MARCHF11: variants seen among roughly 807,000 people sequenced by gnomAD.
MARCHF11 encodes E3 ubiquitin-protein ligase MARCHF11.
Under a neutral mutation model 37.3 loss-of-function variants are expected in MARCHF11, and 29 were observed. The ratio of observed to expected loss-of-function variants is 0.78; its 90% CI spans 0.58 to 1.06. The LOEUF (loss-of-function observed/expected upper bound fraction) is 1.06, where lower values mean the gene tolerates loss of function less well. Ranked by LOEUF, MARCHF11 falls within the 50% of genes least tolerant of loss-of-function variation. MARCHF11 has a pLI of 0.00. For synonymous variants in MARCHF11, 233 were observed against 228.0 expected (o/e 1.02, Z -0.20); for missense variants, 482 against 533.4 (o/e 0.90, Z 0.95).
At chr5:16,091,204 A>G (rs1736787029) in intron 2 of MARCHF11, 123 bp from the exon 3 acceptor site, 1 of 682,576 alleles carries the variant, frequency 1.5e-6, no homozygotes, top group Non-Finnish European at 2.2e-6. Flanking sequence ...TGAGACCCCA[A>G]ATGAATTTTT....
intron 2 of MARCHF11, among the ~76,000 whole-genome samples, chr5:16,133,250 C>T (rs779247932): frequency 6.6e-6 from 1 of 152,122 alleles, no homozygotes; most frequent in Non-Finnish European, 1.5e-5. Flanking sequence ...TTTTTCCCAA[C>T]AGAATGTGTC....
At position 16,090,255 on chromosome 5, in the gene MARCHF11, G is replaced by A. The variant is rs16868099; in HGVS notation, c.886+634C>T. On this transcript the variant is annotated intron_variant, in intron 3 of 3. Coordinates refer to ENST00000332432, the MANE Select transcript of MARCHF11 (RefSeq NM_001102562.3). ...TGGCTTCCGTTTTCTCACAGTACTA[G>A]GGAACAACAGATGGGTCAAAGGAAA... Among the ~76,000 whole-genome samples the A allele has an allele frequency of 8.8e-3, 1,343 of 152,264 alleles. 16 individuals are homozygous for A. Among genetic ancestry groups the A allele is most frequent in the African/African-American group, 0.031 (1,270 of 41,532 alleles).
At chr5:16,167,349 C>G (rs1312576047) in intron 2 of MARCHF11, among the ~76,000 whole-genome samples, 1 of 152,068 alleles carries the variant, frequency 6.6e-6, no homozygotes, top group Non-Finnish European at 1.5e-5. Context: ...GAAAGCCTAC[C>G]AGTCCAAAGG....
intron 2 of MARCHF11, among the ~76,000 whole-genome samples, chr5:16,149,338 A>G (rs1284193815): frequency 6.6e-6 from 1 of 152,154 alleles, no homozygotes; most frequent in Non-Finnish European, 1.5e-5. Flanking sequence ...CTTTTACATT[A>G]TGGATGTTTC....
rs749374957 is a variant in MARCHF11 at position 16,090,127 on chromosome 5, C to T, written c.886+762G>A. On this transcript the variant is annotated intron_variant, in intron 3 of 3. Transcript: ENST00000332432. ...CAGAGCAGGAAAATGCTCCCAATGC[C>T]GTGGTACCTCCCCACAGCCACCCAC... 2.4e-4 allele frequency among the ~76,000 whole-genome samples: 37 copies of T among 152,076 alleles called. 1 individual carries two copies. Among genetic ancestry groups the T allele is most frequent in the African/African-American group, 8.9e-4 (37 of 41,410 alleles).
chr5:16,124,145 A>G (rs1194326735), intron 2 of MARCHF11, among the ~76,000 whole-genome samples: 1 of 152,160 alleles, frequency 6.6e-6, no homozygotes, highest in African/African-American at 2.4e-5. Flanking sequence ...GCATGGAATG[A>G]CCAGGATGGG....
At chr5:16,107,147 G>A (rs1193222225) in intron 2 of MARCHF11, among the ~76,000 whole-genome samples, 5 of 152,160 alleles carry the variant, frequency 3.3e-5, no homozygotes, top group African/African-American at 7.2e-5. Context: ...ACAGAAAAAT[G>A]AAGATGACAG....
intron 2 of MARCHF11, among the ~76,000 whole-genome samples, chr5:16,104,700 G>T (rs1737009459): frequency 6.6e-6 from 1 of 151,878 alleles, no homozygotes; most frequent in Non-Finnish European, 1.5e-5. Context: ...AAAAGTTCAG[G>T]TTTTTTTGTT....
intron 2 of MARCHF11, among the ~76,000 whole-genome samples, chr5:16,095,254 A>G (rs763108066): frequency 1.3e-5 from 2 of 152,166 alleles, no homozygotes; most frequent in Non-Finnish European, 2.9e-5. Flanking sequence ...TCCTCAGAGT[A>G]ATTCCCCGGG....
chr5:16,100,209 C>G (rs539125817), intron 2 of MARCHF11, among the ~76,000 whole-genome samples: 2 of 152,124 alleles, frequency 1.3e-5, no homozygotes, highest in African/African-American at 2.4e-5. Context: ...AGGAGACAGC[C>G]TCTAGGAAGA....
At position 16,098,950 on chromosome 5, in the gene MARCHF11, G is replaced by T. The variant is rs140049107; in HGVS notation, c.694-7869C>A. Among the ~76,000 whole-genome samples the T allele has an allele frequency of 1.2e-3, 189 of 152,056 alleles. 4 individuals are homozygous for T. Among genetic ancestry groups the T allele is most frequent in the African/African-American group, 4.3e-3 (177 of 41,508 alleles). ...ACTGTTGTTAGATAAAATTCAAAAA[G>T]AACTAGATTAGATTTATTTTTTTAA... On this transcript the variant is annotated intron_variant, in intron 2 of 3. Coordinates refer to ENST00000332432, the MANE Select transcript of MARCHF11 (RefSeq NM_001102562.3).
Position 16,127,107 on chromosome 5 carries a change from A to C in MARCHF11, c.694-36026T>G, listed in dbSNP as rs567855335. On this transcript the variant is annotated intron_variant, in intron 2 of 3. Transcript: ENST00000332432. Reference sequence around the variant, plus strand: ...TCAAGTTTCACAGGGTTAGGTGGACAACAGGACTTAATGGATATGTGCAGT... The same window carrying C: ...TCAAGTTTCACAGGGTTAGGTGGACCACAGGACTTAATGGATATGTGCAGT... Among the ~76,000 whole-genome samples the C allele has an allele frequency of 8.0e-4, 122 of 152,304 alleles. 4 individuals are homozygous for C. The South Asian group carries it at 0.025, about 31-fold the overall frequency.
At chr5:16,124,509 C>CA (rs1289188811) in intron 2 of MARCHF11, among the ~76,000 whole-genome samples, 1 of 152,094 alleles carries the variant, frequency 6.6e-6, no homozygotes, top group Non-Finnish European at 1.5e-5. Flanking sequence ...GGAATCCAGG[C>CA]AAAATTGGCC....
At position 16,109,103 on chromosome 5, in the gene MARCHF11, T is replaced by TACACACACACACAC. The variant is rs3031633; in HGVS notation, c.694-18036_694-18023dup. Among the ~76,000 whole-genome samples, 395 of 141,412 alleles carry TACACACACACACAC rather than the reference T, an allele frequency of 2.8e-3. 5 individuals carry two copies. Among genetic ancestry groups the TACACACACACACAC allele is most frequent in the African/African-American group, 9.8e-3 (374 of 38,286 alleles). The allele number at this position is 141,412 out of a possible 152,430, so 92.8% of individuals were successfully genotyped here. A position where few individuals can be genotyped will look rare whatever the true frequency, so the allele number is the denominator to read the frequency against. On this transcript the variant is annotated intron_variant, in intron 2 of 3. Coordinates refer to ENST00000332432, the MANE Select transcript of MARCHF11 (RefSeq NM_001102562.3). ...CTTGGAGCATCTGTGACATAAGAAA[T>TACACACACACACAC]ACACACACACACACACACACACACA...
At chr5:16,105,974 A>G (rs899744525) in intron 2 of MARCHF11, among the ~76,000 whole-genome samples, 1 of 152,180 alleles carries the variant, frequency 6.6e-6, no homozygotes, top group Admixed American at 6.5e-5. Flanking sequence ...TCTACTTGAT[A>G]AGATCATGGC....
chr5:16,178,913 G>A, intron 1 of MARCHF11, 126 bp downstream of exon 1: 1 of 1,189,774 alleles, frequency 8.4e-7, no homozygotes, highest in East Asian at 3.2e-5. Context: ...CGCTCACAGG[G>A]CAGAACCAGA....
intron 3 of MARCHF11, among the ~76,000 whole-genome samples, chr5:16,087,731 A>C (rs945618596): frequency 3.3e-5 from 5 of 152,322 alleles, no homozygotes; most frequent in South Asian, 2.1e-4. Flanking sequence ...AGAAAAAAAA[A>C]CTAAATATTG....
At chr5:16,130,496 T>G (rs1029764079) in intron 2 of MARCHF11, among the ~76,000 whole-genome samples, 1 of 152,160 alleles carries the variant, frequency 6.6e-6, no homozygotes, top group Non-Finnish European at 1.5e-5. Flanking sequence ...GGCTGGGCAG[T>G]TACAGAATAT....
At chr5:16,167,157 CGTGT>C (rs3031646) in intron 2 of MARCHF11, among the ~76,000 whole-genome samples, 98,489 of 149,128 alleles carry the variant, frequency 0.66, 33,058 homozygotes, top group Admixed American at 0.75. Context: ...TGTATACACA[CGTGT>C]GTGTGTGTGT....
Sources: gnomAD v4.1 joint callset for allele counts (sites outside exome capture counted in the v4.1 genomes callset) on GRCh38, gnomAD v4.1.1 for gene constraint, MANE v1.5 for transcripts, NCBI Gene and HGNC (gene_info 2026-07-23, HGNC 2026-07-21) for gene names.